The following ABCC4 variants were observed in gnomAD, a reference collection of about 807,000 sequenced individuals.
ABCC4 encodes the protein ATP binding cassette subfamily C member 4 (PEL blood group).
In ABCC4, 102 loss-of-function variants were observed where a neutral mutation model predicts 168.5. The observed-to-expected ratio is 0.61, with a 90% CI of 0.52 to 0.71. The LOEUF (loss-of-function observed/expected upper bound fraction) is 0.71. ABCC4 is among the 30% of genes least tolerant of loss of function. ABCC4 has a pLI of 0.00. For missense variants in ABCC4, 1,402 were observed against 1,605.8 expected (o/e 0.87, Z 2.17); for synonymous variants, 617 against 590.7 (o/e 1.04, Z -0.65).
chr13:95,239,843 A>G (rs1011639771), intron 3 of ABCC4, among the ~76,000 whole-genome samples: 1 of 152,242 alleles, frequency 6.6e-6, no homozygotes, highest in African/African-American at 2.4e-5. Context: ...AGAGTTGATA[A>G]TGGCAAAGTT....
chr13:95,301,091 GA>G (rs1292284319), intron 1 of ABCC4, 149 bp downstream of exon 1: 1 of 683,610 alleles, frequency 1.5e-6, no homozygotes, highest in Non-Finnish European at 2.2e-6. Flanking sequence ...ACCCGCAGCA[GA>G]AAGCCCCGGC....
At chr13:95,108,366 A>G (rs999962478) in intron 20 of ABCC4, among the ~76,000 whole-genome samples, 1 of 152,190 alleles carries the variant, frequency 6.6e-6, no homozygotes, top group African/African-American at 2.4e-5. Flanking sequence ...TCCCCACCCA[A>G]ATCTCATCTT....
chr13:95,250,838 A>G (rs1392377766), intron 1 of ABCC4, among the ~76,000 whole-genome samples: 1 of 142,604 alleles, frequency 7.0e-6, no homozygotes, highest in Non-Finnish European at 1.5e-5. Flanking sequence ...GAGCGATCAG[A>G]GCTCACTCAG....
intron 1 of ABCC4, among the ~76,000 whole-genome samples, chr13:95,284,033 C>T (rs1040534386): frequency 6.6e-6 from 1 of 151,400 alleles, no homozygotes; most frequent in Non-Finnish European, 1.5e-5. Flanking sequence ...AACCCCGTCT[C>T]TACTAAAAAT....
chr13:95,070,709 C>T (rs1050496963), intron 25 of ABCC4, among the ~76,000 whole-genome samples: 2 of 152,104 alleles, frequency 1.3e-5, no homozygotes, highest in Admixed American at 1.3e-4. Context: ...GGCTGAGAGC[C>T]AGACAGGTCC....
chr13:95,101,657 A>T (rs2034812429), intron 20 of ABCC4, among the ~76,000 whole-genome samples: 1 of 152,214 alleles, frequency 6.6e-6, no homozygotes, highest in South Asian at 2.1e-4. Flanking sequence ...TTTCAGCAAT[A>T]TTATGAAAAT....
chr13:95,136,184 G>A (rs2036138135), intron 19 of ABCC4, among the ~76,000 whole-genome samples: 1 of 152,068 alleles, frequency 6.6e-6, no homozygotes, highest in African/African-American at 2.4e-5. Context: ...TTTATTTAGT[G>A]TTTTGAGACG....
chr13:95,218,010 T>C (rs2138701000), intron 4 of ABCC4, among the ~76,000 whole-genome samples: 1 of 152,324 alleles, frequency 6.6e-6, no homozygotes, highest in South Asian at 2.1e-4. Context: ...GGCTTTTGAG[T>C]GCTGTAAGTA....
At chr13:95,064,636 A>C (rs965110804) in intron 25 of ABCC4, among the ~76,000 whole-genome samples, 1 of 151,964 alleles carries the variant, frequency 6.6e-6, no homozygotes, top group Non-Finnish European at 1.5e-5. Flanking sequence ...TCTATGGGAA[A>C]CTGATCCATC....
intron 11 of ABCC4, among the ~76,000 whole-genome samples, chr13:95,184,914 C>T (rs954677773): frequency 6.6e-6 from 1 of 152,176 alleles, no homozygotes; most frequent in Non-Finnish European, 1.5e-5. Flanking sequence ...ACATGATACA[C>T]TCCACTCACT....
At chr13:95,219,091 T>C (rs937471994) in intron 4 of ABCC4, among the ~76,000 whole-genome samples, 2 of 152,060 alleles carry the variant, frequency 1.3e-5, no homozygotes, top group African/African-American at 4.8e-5. Flanking sequence ...TCAATATACA[T>C]TGAAGGAAAT....
Position 95,180,324 on chromosome 13 carries a change from C to T in ABCC4, c.1546-2233G>A, listed in dbSNP as rs962603401. 2.0e-5 allele frequency among the ~76,000 whole-genome samples: 3 copies of T among 152,168 alleles called. No homozygotes were observed. In the South Asian group the frequency reaches 6.2e-4, roughly 32 times the overall value. ...ATCCCAGCAATTTGGGAGGCCGACA[C>T]GGGTGGATCACCTGAGGTCAGGAGT... On this transcript the variant is annotated intron_variant, in intron 11 of 30. Transcript: ENST00000645237.
intron 20 of ABCC4, among the ~76,000 whole-genome samples, chr13:95,115,200 A>G (rs1331726266): frequency 1.3e-5 from 2 of 151,872 alleles, no homozygotes; most frequent in East Asian, 1.9e-4. Flanking sequence ...AGATGACCCA[A>G]TATTATTTTT....
intron 19 of ABCC4, among the ~76,000 whole-genome samples, chr13:95,135,577 T>C (rs1289332351): frequency 6.6e-6 from 1 of 152,096 alleles, no homozygotes; most frequent in Non-Finnish European, 1.5e-5. Flanking sequence ...CATGCCCAGC[T>C]AATTTTTGTA....
chr13:95,293,166 T>C (rs1055247060), intron 1 of ABCC4, among the ~76,000 whole-genome samples: 1 of 151,974 alleles, frequency 6.6e-6, no homozygotes, highest in South Asian at 2.1e-4. Context: ...ATCTCCATCT[T>C]GGCCAACATG....
intron 27 of ABCC4, among the ~76,000 whole-genome samples, chr13:95,045,172 TAG>T (rs2032524817): frequency 1.3e-5 from 2 of 152,116 alleles, no homozygotes; most frequent in Admixed American, 6.6e-5. Flanking sequence ...GCTCCCAATA[TAG>T]AGTCTGAAGA....
chr13:95,111,582 C>T (rs1472773924), intron 20 of ABCC4, among the ~76,000 whole-genome samples: 1 of 152,180 alleles, frequency 6.6e-6, no homozygotes, highest in South Asian at 2.1e-4. Context: ...CTCGCTGCCC[C>T]TCTGGGTTTC....
intron 20 of ABCC4, 64 bp from the exon 21 acceptor site, chr13:95,083,354 G>T (rs1233730494): frequency 6.4e-6 from 10 of 1,568,570 alleles, no homozygotes; most frequent in African/African-American, 1.4e-5. Flanking sequence ...ATACTTGCAT[G>T]AGTTGTTGTT....
intron 22 of ABCC4, chr13:95,075,213 G>T: frequency 1.8e-6 from 1 of 559,342 alleles, no homozygotes; most frequent in Non-Finnish European, 3.1e-6. Flanking sequence ...GACCCCACAA[G>T]CCAGTCAGGG....
Sources: allele counts gnomAD v4.1 joint callset (sites outside exome capture counted in the v4.1 genomes callset), GRCh38; gene constraint gnomAD v4.1.1; transcripts MANE v1.5; gene names NCBI Gene and HGNC (gene_info 2026-07-23, HGNC 2026-07-21).